Variants in LY86 observed in about 807,000 individuals in gnomAD.
LY86 encodes MD-1, RP105-associated.
In LY86, 20 loss-of-function variants were observed where a neutral mutation model predicts 17.3. The ratio of observed to expected loss-of-function variants is 1.15; its 90% confidence interval spans 0.81 to 1.68. The LOEUF (loss-of-function observed/expected upper bound fraction) is 1.68. Among genes scored for constraint, LY86 ranks in the 40% most tolerant of loss-of-function variants. The probability of loss-of-function intolerance (pLI) is 0.00; values close to 1 mark genes in which losing one functional copy is unlikely to be tolerated. For synonymous variants in LY86, 74 were observed against 70.6 expected, an observed-to-expected ratio of 1.05 and a Z score of -0.24; for missense variants, 200 against 191.9, an observed-to-expected ratio of 1.04 and a Z score of -0.25.
chr6:6,600,596 A>T (rs1416906983), intron 1 of LY86, among the ~76,000 whole-genome samples: 1 of 3,334 alleles, frequency 3.0e-4, no homozygotes, highest in African/African-American at 6.8e-4. Flanking sequence ...TCAAAAAAAA[A>T]AAAAAAAAAA....
chr6:6,596,949 A>C (rs150980051), intron 1 of LY86, among the ~76,000 whole-genome samples: 177 of 152,238 alleles, frequency 1.2e-3, no homozygotes, highest in African/African-American at 4.0e-3. Context: ...TGCAGGCAGG[A>C]AACGTTTTCC....
chr6:6,599,295 A>G (rs1378471187), intron 1 of LY86, among the ~76,000 whole-genome samples: 1 of 152,222 alleles, frequency 6.6e-6, no homozygotes, highest in Non-Finnish European at 1.5e-5. Flanking sequence ...TCAAAACAGT[A>G]GTCTTCCTAT....
intron 1 of LY86, among the ~76,000 whole-genome samples, chr6:6,602,195 A>C (rs1211633167): frequency 6.6e-6 from 1 of 152,224 alleles, no homozygotes; most frequent in Non-Finnish European, 1.5e-5. Context: ...ATTATATAAT[A>C]GTTATGTATC....
chr6:6,612,103 G>A (rs1761364289), intron 1 of LY86, among the ~76,000 whole-genome samples: 1 of 152,204 alleles, frequency 6.6e-6, no homozygotes, highest in Non-Finnish European at 1.5e-5. Flanking sequence ...CCAAAAGCAA[G>A]CTGATTATTT....
intron 1 of LY86, among the ~76,000 whole-genome samples, chr6:6,613,308 G>C (rs892928324): frequency 6.6e-6 from 1 of 152,196 alleles, no homozygotes; most frequent in African/African-American, 2.4e-5. Flanking sequence ...TCTAGGGGAC[G>C]GAGCGCTATG....
chr6:6,606,839 G>A (rs1475258040), intron 1 of LY86, among the ~76,000 whole-genome samples: 1 of 152,266 alleles, frequency 6.6e-6, no homozygotes, highest in Non-Finnish European at 1.5e-5. Context: ...GAGGGAGCGG[G>A]CTCCGGCCTT....
chr6:6,624,640 A>AT (rs34139165), intron 1 of LY86, among the ~76,000 whole-genome samples: 2 of 152,150 alleles, frequency 1.3e-5, no homozygotes, highest in South Asian at 2.1e-4. Context: ...AATGATAAAC[A>AT]TTTTCTATGA....
chr6:6,606,004 C>CA (rs376630287), intron 1 of LY86, among the ~76,000 whole-genome samples: 8 of 152,254 alleles, frequency 5.3e-5, no homozygotes, highest in South Asian at 4.1e-4. Context: ...CTGCGAAAAG[C>CA]AAAAGAACAA....
chr6:6,648,775 A>AC (rs1278801781), intron 3 of LY86, among the ~76,000 whole-genome samples: 2 of 151,396 alleles, frequency 1.3e-5, no homozygotes, highest in African/African-American at 4.8e-5. Flanking sequence ...GAAAAAAGAA[A>AC]AAAACAAGGA....
rs909039141 is a variant in LY86 at position 6,606,843 on chromosome 6, C to T, written c.136+17973C>T. 5.3e-5 allele frequency among the ~76,000 whole-genome samples: 8 copies of T among 152,260 alleles called. 1 individual carries two copies. Among genetic ancestry groups the T allele is most frequent in the African/African-American group, 1.7e-4 (7 of 41,480 alleles). On this transcript the variant is annotated intron_variant, in intron 1 of 4. Transcript: ENST00000230568. The stretch of plus-strand genomic sequence containing the variant: ...CCCCGCAAGCTGAGGGAGCGGGCTC[C>T]GGCCTTGGCCAGCCCAGAAAGGGGC...
At chr6:6,632,815 A>G (rs551892849) in intron 3 of LY86, among the ~76,000 whole-genome samples, 1 of 152,290 alleles carries the variant, frequency 6.6e-6, no homozygotes, top group South Asian at 2.1e-4. Context: ...CCTTCAAGGG[A>G]ACCTGACATC....
In LY86 at chr6:6,629,838, CA is replaced by C. The variant is rs148059051; in HGVS notation, c.352+3419del. Among the ~76,000 whole-genome samples the C allele has an allele frequency of 5.3e-5, 8 of 152,224 alleles. No individual in the cohort carries two copies. In the East Asian group the frequency reaches 1.5e-3, roughly 29 times the overall value. ...ATGTGGAGGAAATAGCGTATATGGCCAACGATAGGGCATTGACTAAGTAGGT... is the reference window on the plus strand; with the variant it reads ...ATGTGGAGGAAATAGCGTATATGGCCACGATAGGGCATTGACTAAGTAGGT... On this transcript the variant is annotated intron_variant, in intron 3 of 4. Transcript: ENST00000230568.
At chr6:6,606,521 G>A (rs1417005366) in intron 1 of LY86, among the ~76,000 whole-genome samples, 2 of 152,168 alleles carry the variant, frequency 1.3e-5, no homozygotes, top group African/African-American at 4.8e-5. Context: ...CGTGTAGCAG[G>A]GGGCGGCGCT....
At chr6:6,634,879 A>T (rs1177495539) in intron 3 of LY86, among the ~76,000 whole-genome samples, 1 of 152,202 alleles carries the variant, frequency 6.6e-6, no homozygotes, top group Admixed American at 6.5e-5. Context: ...TACTGCCTAG[A>T]TTTGGAAAAA....
chr6:6,595,861 G>A (rs1208225011), intron 1 of LY86, among the ~76,000 whole-genome samples: 1 of 152,188 alleles, frequency 6.6e-6, no homozygotes, highest in Non-Finnish European at 1.5e-5. Flanking sequence ...TGAGCGGGGA[G>A]GGGAGGAAGC....
chr6:6,645,823 G>A (rs1762098885), intron 3 of LY86, among the ~76,000 whole-genome samples: 1 of 151,522 alleles, frequency 6.6e-6, no homozygotes, highest in African/African-American at 2.4e-5. Flanking sequence ...GCCAACAAAA[G>A]CAAAGGGAAT....
chr6:6,591,915 G>A (rs1367318456), intron 1 of LY86, among the ~76,000 whole-genome samples: 5 of 152,160 alleles, frequency 3.3e-5, no homozygotes, highest in African/African-American at 7.2e-5. Context: ...AGGGAACTGC[G>A]GGAGGGCTGA....
intron 1 of LY86, among the ~76,000 whole-genome samples, chr6:6,616,124 T>G (rs1411612754): frequency 6.6e-6 from 1 of 152,232 alleles, no homozygotes; most frequent in Non-Finnish European, 1.5e-5. Context: ...AACACTTCAG[T>G]GCATTTTCCT....
intron 1 of LY86, among the ~76,000 whole-genome samples, chr6:6,599,810 G>A (rs1760841192): frequency 2.0e-5 from 3 of 152,156 alleles, no homozygotes; most frequent in Admixed American, 2.0e-4. Context: ...CCTAACCATG[G>A]TCACAAAGCC....
Sources: gnomAD v4.1 joint callset for allele counts (sites outside exome capture counted in the v4.1 genomes callset) on GRCh38, gnomAD v4.1.1 for gene constraint, MANE v1.5 for transcripts, NCBI Gene and HGNC (gene_info 2026-07-23, HGNC 2026-07-21) for gene names.